Variants in FUS observed in about 807,000 individuals in gnomAD.
FUS encodes FUS RNA binding protein.
Under a neutral mutation model 82.7 loss-of-function variants are expected in FUS, and 5 were observed. The ratio of observed to expected loss-of-function variants is 0.06; its 90% CI spans 0.03 to 0.13. FUS has a LOEUF of 0.13. Among genes scored for constraint, FUS ranks in the 10% least tolerant of loss-of-function variants. The pLI, the probability that FUS is intolerant of heterozygous loss-of-function variation, is 1.00. For missense variants in FUS, 512 were observed against 707.8 expected, an observed-to-expected ratio of 0.72 and a Z score of 3.14; for synonymous variants, 281 against 247.4, an observed-to-expected ratio of 1.14 and a Z score of -1.27.
rs556096702 is a variant in FUS at position 31,180,143 on chromosome 16, A to C, written c.-72A>C. The C allele has an allele frequency of 2.5e-6, 4 of 1,582,080 alleles. No individual in the cohort carries two copies. The highest frequency in any genetic ancestry group is 2.7e-5 in the African/African-American group (2 of 74,504). ...TTCGACGCAGGAGGCGGGGCTGCTCAGTCCTCCAGGCGTCGGTACTCAGCG... is the reference window on the plus strand; with the variant it reads ...TTCGACGCAGGAGGCGGGGCTGCTCCGTCCTCCAGGCGTCGGTACTCAGCG... On this transcript the variant is annotated 5_prime_UTR_variant, in exon 1 of 15. Coordinates refer to ENST00000254108, the MANE Select transcript of FUS (RefSeq NM_004960.4).
chr16:31,191,015 C>T lies in FUS; in HGVS notation c.1446C>T (p.Gly482=), dbSNP rs112061837. Residue 482 remains glycine (G), a synonymous_variant, in exon 14 of 15, where the codon GGC becomes GGT. Coordinates refer to ENST00000254108, the MANE Select transcript of FUS (RefSeq NM_004960.4). ...GTGGCAGAGGAGGCTATGATCGAGGCGGCTACCGGGGCCGCGGCGGGGACC... is the reference window on the plus strand; with the variant it reads ...GTGGCAGAGGAGGCTATGATCGAGGTGGCTACCGGGGCCGCGGCGGGGACC... ...RRGGRGGYDR[G]GYRGRGGDRG... 11 of 1,613,428 alleles carry T rather than the reference C, an allele frequency of 6.8e-6. No individual in the cohort carries two copies. The highest frequency in any genetic ancestry group is 1.7e-4 in the Middle Eastern group (1 of 6,034).
intron 8 of FUS, chr16:31,188,700 A>G (rs1204283223): frequency 2.1e-6 from 1 of 487,054 alleles, no homozygotes; most frequent in African/African-American, 1.9e-5. Context: ...GGTGAACAAA[A>G]CTAGTGAAAG....
Position 31,184,018 on chromosome 16 carries a change from TGTC to T in FUS, c.335+18_335+20del. 1 of 1,613,944 alleles carries T rather than the reference TGTC, an allele frequency of 6.2e-7. No homozygotes were observed. The highest frequency in any genetic ancestry group is 8.5e-7 in the Non-Finnish European group (1 of 1,179,998). ...CCTCGGGAAGGTACGGTGGTGTTGA[TGTC>T]GGGGAAGGCTTGAAAAGAGGGGTGA... On this transcript the variant is annotated intron_variant, in intron 4 of 14. Transcript: ENST00000254108.
chr16:31,193,160 T>C (rs2079383079), downstream of FUS: 1 of 486,940 alleles, frequency 2.1e-6, no homozygotes, highest in Non-Finnish European at 4.1e-6. Context: ...CAGGCTGGTC[T>C]CGAACTCCCG....
chr16:31,180,984 A>G (rs1353501356), intron 1 of FUS, among the ~76,000 whole-genome samples: 3 of 151,652 alleles, frequency 2.0e-5, no homozygotes, highest in Non-Finnish European at 2.9e-5. Flanking sequence ...GCGATCTCAG[A>G]TCACTGCAAC....
Position 31,184,209 on chromosome 16 carries a change from T to C in FUS, c.336T>C (p.Ser112=), listed in dbSNP as rs1286485151. The part of the protein sequence containing the change: ...QQPAPSSTSG[S]YGSSSQSSSY... The stretch of plus-strand genomic sequence containing the variant: ...TGTGTTTTTTGTTTGTTTTCCCTAG[T>C]TACGGTAGCAGTTCTCAGAGCAGCA... Residue 112 remains serine, a splice_region_variant and synonymous_variant, in exon 5 of 15, where the codon AGT becomes AGC. Coordinates refer to ENST00000254108, the MANE Select transcript of FUS (RefSeq NM_004960.4). 1.2e-6 allele frequency: 2 copies of C among 1,614,014 alleles called. No homozygotes were observed. The highest frequency in any genetic ancestry group is 1.7e-6 in the Non-Finnish European group (2 of 1,180,016).
rs1567469779 is a variant in FUS, at chr16:31,182,673, TTCTC to T, written c.190+10_190+13del. 6.2e-7 allele frequency: 1 copy of T among 1,614,138 alleles called. No individual in the cohort carries two copies. Among genetic ancestry groups the T allele is most frequent in the East Asian group, 2.2e-5 (1 of 44,890 alleles). On this transcript the variant is annotated intron_variant, in intron 3 of 14. Coordinates refer to ENST00000254108, the MANE Select transcript of FUS (RefSeq NM_004960.4). ...TGGCCAGAGCCAGAACAGTGAGTCT[TTCTC>T]AGCGGGTCACCTCTTCCTACTCTTT...
intron 6 of FUS, 121 bp from the exon 7 acceptor site, chr16:31,186,681 C>T (rs1210725931): frequency 7.0e-6 from 6 of 860,286 alleles, no homozygotes; most frequent in Non-Finnish European, 1.2e-5. Context: ...ATTTTAGTAG[C>T]CACTTGTATC....
intron 1 of FUS, among the ~76,000 whole-genome samples, chr16:31,181,045 T>G (rs2144094946): frequency 1.3e-5 from 2 of 152,250 alleles, no homozygotes; most frequent in Admixed American, 1.3e-4. Flanking sequence ...CCTGAGTAGT[T>G]GGGATTATAG....
At chr16:31,194,579 T>A (rs1325922742), downstream of FUS, 1 of 499,296 alleles carries the variant, frequency 2.0e-6, no homozygotes, top group South Asian at 1.5e-5. Flanking sequence ...GTGCTGGGAT[T>A]AAGGTGTGAG....
At position 31,180,181 on chromosome 16, in the gene FUS, C is replaced by G. The variant is rs765945796; in HGVS notation, c.-34C>G. ...TCGGTACTCAGCGGTGTTGGAACTT[C>G]GTTGCTTGCTTGCCTGTGCGCGCGT... On this transcript the variant is annotated 5_prime_UTR_variant, in exon 1 of 15. Transcript: ENST00000254108. 11 of 1,608,478 alleles carry G rather than the reference C, an allele frequency of 6.8e-6. No homozygotes were observed. The highest frequency in any genetic ancestry group is 2.2e-5 in the South Asian group (2 of 90,150).
chr16:31,192,261 G>T, downstream of FUS: 1 of 526,886 alleles, frequency 1.9e-6, no homozygotes, highest in East Asian at 4.0e-5. Flanking sequence ...ATTGGAGGGT[G>T]GAAGGCCCTC....
At chr16:31,185,481 A>G (rs1377819421) in intron 6 of FUS, 1 of 626,130 alleles carries the variant, frequency 1.6e-6, no homozygotes, top group Non-Finnish European at 3.0e-6. Context: ...CCTAGGCAAG[A>G]AACATGGAAG....
chr16:31,191,129 A>G lies in FUS; in HGVS notation c.1541+19A>G, dbSNP rs1362393868. On this transcript the variant is annotated intron_variant, in intron 14 of 14. Transcript: ENST00000254108. ...ATTCCAGGTAAGACTTTAAATCAGA[A>G]TAAAAAAGTAGAGCAGTTGAACAGA... 2.5e-6 allele frequency: 4 copies of G among 1,611,764 alleles called. No homozygotes were observed. Among genetic ancestry groups the G allele is most frequent in the Middle Eastern group, 4.3e-4 (2 of 4,616 alleles).
At chr16:31,184,153 A>G (rs1397278691) in intron 4 of FUS, 56 bp from the exon 5 acceptor site, 1 of 1,613,922 alleles carries the variant, frequency 6.2e-7, no homozygotes, top group Non-Finnish European at 8.5e-7. Context: ...TAAAAGTGAA[A>G]GGAAATTGGG....
At chr16:31,194,857 G>T (rs1176947759), downstream of FUS, 7 of 474,844 alleles carry the variant, frequency 1.5e-5, no homozygotes, top group East Asian at 3.7e-4. Flanking sequence ...ATTGACTTCA[G>T]TCATTCAGTA....
At chr16:31,192,585 G>C (rs1465560151), downstream of FUS, 3 of 493,160 alleles carry the variant, frequency 6.1e-6, no homozygotes, top group Admixed American at 2.3e-5. Flanking sequence ...TTTAGAGACA[G>C]AGTCTTGCTC....
chr16:31,188,728 A>G, intron 8 of FUS: 1 of 469,844 alleles, frequency 2.1e-6, no homozygotes. Context: ...CACATGAAGT[A>G]AAGCATTGAA....
At chr16:31,190,221 A>G in intron 11 of FUS, 54 bp from the exon 12 acceptor site, 1 of 1,614,036 alleles carries the variant, frequency 6.2e-7, no homozygotes, top group Non-Finnish European at 8.5e-7. Context: ...GGAATGGGTT[A>G]GATTTACCAA....
Sources: gnomAD v4.1 joint callset for allele counts (sites outside exome capture counted in the v4.1 genomes callset) on GRCh38, gnomAD v4.1.1 for gene constraint, MANE v1.5 for transcripts, NCBI Gene and HGNC (gene_info 2026-07-23, HGNC 2026-07-21) for gene names.